The following PRKD1 variants were observed in gnomAD, a reference collection of about 807,000 sequenced individuals.
PRKD1 encodes protein kinase D1.
Under a neutral mutation model 95.9 loss-of-function variants are expected in PRKD1, and 63 were observed. The observed-to-expected ratio is 0.66, with a 90% confidence interval of 0.54 to 0.81. PRKD1 has a LOEUF of 0.81. Ranked by LOEUF, PRKD1 falls within the 30% of genes least tolerant of loss-of-function variation. The pLI is 0.00. For missense variants in PRKD1, 1,048 were observed against 1,165.3 expected (o/e 0.90, Z 1.47); for synonymous variants, 425 against 423.1 (o/e 1.00, Z -0.05).
intron 4 of PRKD1, among the ~76,000 whole-genome samples, chr14:29,643,219 G>C (rs938547938): frequency 1.3e-5 from 2 of 151,972 alleles, no homozygotes; most frequent in Non-Finnish European, 2.9e-5. Flanking sequence ...TAAATGATTT[G>C]ATTTGGCAAA....
At chr14:29,869,448 A>C (rs1034705933) in intron 1 of PRKD1, among the ~76,000 whole-genome samples, 1 of 152,032 alleles carries the variant, frequency 6.6e-6, no homozygotes, top group South Asian at 2.1e-4. Context: ...AAAAAGAAAA[A>C]AAAAAAAAGA....
At chr14:29,693,436 T>G (rs1884344663) in intron 2 of PRKD1, among the ~76,000 whole-genome samples, 1 of 151,918 alleles carries the variant, frequency 6.6e-6, no homozygotes, top group Non-Finnish European at 1.5e-5. Flanking sequence ...ACAAATCCCA[T>G]GGAACCCAGA....
chr14:29,772,796 T>C (rs45459398), intron 1 of PRKD1, among the ~76,000 whole-genome samples: 1,694 of 152,302 alleles, frequency 0.011, 30 homozygotes, highest in African/African-American at 0.038. Flanking sequence ...GCAAAAACGA[T>C]GCCCATTTCT....
chr14:29,864,298 G>A (rs982211142), intron 1 of PRKD1, among the ~76,000 whole-genome samples: 4 of 151,994 alleles, frequency 2.6e-5, no homozygotes, highest in Middle Eastern at 3.4e-3. Flanking sequence ...AACCTACAAA[G>A]AGCCTGCACT....
At chr14:29,645,766 C>T (rs1156590694) in intron 4 of PRKD1, among the ~76,000 whole-genome samples, 1 of 152,080 alleles carries the variant, frequency 6.6e-6, no homozygotes, top group Non-Finnish European at 1.5e-5. Context: ...CTTTCCCTTT[C>T]TTCATAGATG....
intron 10 of PRKD1, among the ~76,000 whole-genome samples, chr14:29,630,254 C>T (rs976311480): frequency 6.6e-6 from 1 of 152,132 alleles, no homozygotes; most frequent in African/African-American, 2.4e-5. Flanking sequence ...ATTCTCCTGC[C>T]TCAGCCTCCA....
intron 1 of PRKD1, among the ~76,000 whole-genome samples, chr14:29,857,729 G>C (rs1474469346): frequency 2.0e-5 from 3 of 152,166 alleles, no homozygotes; most frequent in African/African-American, 7.2e-5. Flanking sequence ...AAAGCAGGCT[G>C]CGGGGAGGAG....
intron 1 of PRKD1, among the ~76,000 whole-genome samples, chr14:29,768,465 A>T (rs985666518): frequency 2.0e-5 from 3 of 152,192 alleles, no homozygotes; most frequent in Admixed American, 6.5e-5. Flanking sequence ...TAAATTTACC[A>T]TTCAGTAATT....
Position 29,826,859 on chromosome 14 carries a change from A to ATATATATG in PRKD1, c.264+100389_264+100390insCATATATA, listed in dbSNP as rs1486772824. Among the ~76,000 whole-genome samples the ATATATATG allele has an allele frequency of 2.6e-4, 26 of 99,420 alleles. 3 individuals carry two copies. The highest frequency in any genetic ancestry group is 2.0e-3 in the South Asian group (6 of 3,076). The allele number at this position is 99,420 out of a possible 152,430, so 65.2% of individuals were successfully genotyped here. A position where few individuals can be genotyped will look rare whatever the true frequency, so the allele number is the denominator to read the frequency against. ...TATATACACACATATATATATATAT[A>ATATATATG]TATATATATATATATATGATGGAAT... On this transcript the variant is annotated intron_variant, in intron 1 of 17. Transcript: ENST00000331968.
chr14:29,818,106 G>T (rs1189544848), intron 1 of PRKD1, among the ~76,000 whole-genome samples: 3 of 152,170 alleles, frequency 2.0e-5, no homozygotes. Context: ...TGGCTGTACT[G>T]AGCACCCTAT....
chr14:29,846,385 T>C (rs1477607345), intron 1 of PRKD1, among the ~76,000 whole-genome samples: 1 of 152,170 alleles, frequency 6.6e-6, no homozygotes, highest in African/African-American at 2.4e-5. Context: ...GACGTTTAGC[T>C]GTAGCTCTGA....
At chr14:29,785,625 A>G (rs1387164648) in intron 1 of PRKD1, among the ~76,000 whole-genome samples, 2 of 148,956 alleles carry the variant, frequency 1.3e-5, no homozygotes, top group African/African-American at 5.0e-5. Context: ...GAAAGTGGGC[A>G]TCCCCATGGA....
chr14:29,900,021 C>T (rs1894268403), intron 1 of PRKD1, among the ~76,000 whole-genome samples: 7 of 152,228 alleles, frequency 4.6e-5, no homozygotes, highest in Admixed American at 4.6e-4. Flanking sequence ...GCTTGCTTCT[C>T]CTTCACCTTC....
intron 13 of PRKD1, among the ~76,000 whole-genome samples, chr14:29,609,506 G>GTGTGCACA (rs1555327740): frequency 7.8e-6 from 1 of 127,428 alleles, no homozygotes; most frequent in Non-Finnish European, 1.6e-5. Context: ...GTGTGTGCGT[G>GTGTGCACA]CACACACACA....
intron 1 of PRKD1, among the ~76,000 whole-genome samples, chr14:29,780,304 A>C (rs1165238647): frequency 2.0e-5 from 3 of 152,226 alleles, no homozygotes; most frequent in Non-Finnish European, 4.4e-5. Flanking sequence ...TAATTAAACT[A>C]AAGAGCTTCT....
At chr14:29,650,285 C>G (rs1881407824) in intron 4 of PRKD1, 1 of 152,476 alleles carries the variant, frequency 6.6e-6, no homozygotes, top group Non-Finnish European at 1.5e-5. Flanking sequence ...GGTCCTGCCT[C>G]AGGGCCCAAA....
intron 1 of PRKD1, among the ~76,000 whole-genome samples, chr14:29,884,178 T>C (rs1056800139): frequency 3.3e-5 from 5 of 152,204 alleles, no homozygotes; most frequent in South Asian, 2.1e-4. Flanking sequence ...TTTCCTGTTA[T>C]TGGGGTTAAA....
rs1891159717 is a variant in PRKD1, at chr14:29,826,718, TATACATATATATAC to T, written c.264+100517_264+100530del. Among the ~76,000 whole-genome samples the T allele has an allele frequency of 1.1e-4, 11 of 95,726 alleles. 2 individuals are homozygous for T. The South Asian group carries it at 3.7e-3, about 32-fold the overall frequency. The allele number at this position is 95,726 out of a possible 152,430, so 62.8% of individuals were successfully genotyped here. A position where few individuals can be genotyped will look rare whatever the true frequency, so the allele number is the denominator to read the frequency against. ...ATATATACATATATACACATATATA[TATACATATATATAC>T]ACATATATATACACATATATATATA... On this transcript the variant is annotated intron_variant, in intron 1 of 17. Transcript: ENST00000331968.
At chr14:29,654,393 C>T (rs371135071) in intron 4 of PRKD1, among the ~76,000 whole-genome samples, 2 of 152,014 alleles carry the variant, frequency 1.3e-5, no homozygotes, top group Non-Finnish European at 2.9e-5. Context: ...AGGCTGGTCT[C>T]GAACTTCTGG....
Sources: allele counts gnomAD v4.1 joint callset (sites outside exome capture counted in the v4.1 genomes callset), GRCh38; gene constraint gnomAD v4.1.1; transcripts MANE v1.5; gene names NCBI Gene and HGNC (gene_info 2026-07-23, HGNC 2026-07-21).